The following HSD11B1 variants were observed in gnomAD, a reference collection of about 807,000 sequenced individuals.
HSD11B1 encodes the protein hydroxysteroid 11-beta dehydrogenase 1.
A neutral mutation model predicts 22.1 loss-of-function variants in HSD11B1; 15 were observed. The ratio of observed to expected loss-of-function variants is 0.68; its 90% CI spans 0.45 to 1.04. HSD11B1 has a LOEUF of 1.04. Among genes scored for constraint, HSD11B1 ranks in the 50% least tolerant of loss-of-function variants. The pLI, the probability that HSD11B1 is intolerant of heterozygous loss-of-function variation, is 0.00. For synonymous variants in HSD11B1, 122 were observed against 125.2 expected (o/e 0.97, Z 0.17); for missense variants, 281 against 357.6 (o/e 0.79, Z 1.73).
chr1:209,699,520 AC>A (rs2076813924), intron 1 of HSD11B1, among the ~76,000 whole-genome samples: 1 of 151,910 alleles, frequency 6.6e-6, no homozygotes, highest in Non-Finnish European at 1.5e-5. Flanking sequence ...TCCCCCAGGT[AC>A]CTCCCCCAAC....
intron 1 of HSD11B1, 53 bp from the exon 2 acceptor site, chr1:209,705,758 G>A: frequency 6.2e-7 from 1 of 1,610,276 alleles, no homozygotes; most frequent in Admixed American, 1.7e-5. Flanking sequence ...GAGGGAGAAG[G>A]AATTTTGCTG....
At chr1:209,697,883 C>CTTTTTTTTTTTT (rs1558187212) in intron 1 of HSD11B1, among the ~76,000 whole-genome samples, 11 of 21,912 alleles carry the variant, frequency 5.0e-4, no homozygotes, top group African/African-American at 8.3e-4. Flanking sequence ...TTTGTTTTTT[C>CTTTTTTTTTTTT]CTTTTTTTTT....
chr1:209,713,179 T>C (rs1354762614), intron 4 of HSD11B1, among the ~76,000 whole-genome samples: 1 of 152,200 alleles, frequency 6.6e-6, no homozygotes, highest in Non-Finnish European at 1.5e-5. Context: ...TTGCAAAACA[T>C]TGGAAGTAAC....
chr1:209,728,855 A>C (rs1204199885), intron 4 of HSD11B1, among the ~76,000 whole-genome samples: 1 of 152,220 alleles, frequency 6.6e-6, no homozygotes, highest in African/African-American at 2.4e-5. Flanking sequence ...TTCAAATCTC[A>C]TTGGTCCAAA....
chr1:209,690,143 C>T (rs1175757601), intron 1 of HSD11B1, among the ~76,000 whole-genome samples: 2 of 152,072 alleles, frequency 1.3e-5, no homozygotes, highest in East Asian at 3.9e-4. Context: ...TAGAGAGACC[C>T]CAGTCTCTAC....
intron 4 of HSD11B1, 62 bp downstream of exon 4, chr1:209,707,190 C>A: frequency 1.5e-6 from 2 of 1,355,050 alleles, no homozygotes; most frequent in Non-Finnish European, 2.1e-6. Flanking sequence ...GGGATGATGC[C>A]AGGCTCTGAA....
intron 4 of HSD11B1, among the ~76,000 whole-genome samples, chr1:209,721,520 C>T (rs188567165): frequency 6.8e-5 from 10 of 147,874 alleles, no homozygotes; most frequent in African/African-American, 2.3e-4. Context: ...ACTTGGAGGA[C>T]ATATGAAAGT....
chr1:209,719,168 T>C (rs2076949633), intron 4 of HSD11B1, among the ~76,000 whole-genome samples: 1 of 152,094 alleles, frequency 6.6e-6, no homozygotes, highest in African/African-American at 2.4e-5. Context: ...AGTAGATGAA[T>C]GGATAAGCAA....
intron 4 of HSD11B1, among the ~76,000 whole-genome samples, chr1:209,712,375 T>G (rs2076903265): frequency 6.6e-6 from 1 of 151,968 alleles, no homozygotes; most frequent in South Asian, 2.1e-4. Flanking sequence ...ATTAACAGAG[T>G]TCTAATAAGC....
intron 4 of HSD11B1, among the ~76,000 whole-genome samples, chr1:209,708,554 G>C (rs1322324414): frequency 6.6e-6 from 1 of 152,190 alleles, no homozygotes; most frequent in Non-Finnish European, 1.5e-5. Context: ...GGAAGAAAGG[G>C]AGAGCTTCCA....
At chr1:209,724,509 A>G (rs1314155527) in intron 4 of HSD11B1, among the ~76,000 whole-genome samples, 1 of 152,170 alleles carries the variant, frequency 6.6e-6, no homozygotes, top group Non-Finnish European at 1.5e-5. Context: ...GCCTTTGCCA[A>G]TTACTGTGAT....
chr1:209,722,927 G>C (rs957401068), intron 4 of HSD11B1, among the ~76,000 whole-genome samples: 2 of 152,158 alleles, frequency 1.3e-5, no homozygotes, highest in Non-Finnish European at 2.9e-5. Context: ...GGGTAGAGAG[G>C]GGATGAACGA....
chr1:209,720,586 A>C (rs1387019310), intron 4 of HSD11B1, among the ~76,000 whole-genome samples: 2 of 151,240 alleles, frequency 1.3e-5, no homozygotes, highest in Non-Finnish European at 2.9e-5. Context: ...CAGCTTGTAC[A>C]AAATAACTGG....
chr1:209,700,911 C>A (rs554674158), upstream of HSD11B1, among the ~76,000 whole-genome samples: 2 of 152,336 alleles, frequency 1.3e-5, no homozygotes, highest in Admixed American at 1.3e-4. Context: ...TGCTCCAGTT[C>A]CCAACAAGTT....
At chr1:209,720,499 A>T (rs1158831104) in intron 4 of HSD11B1, among the ~76,000 whole-genome samples, 1 of 151,536 alleles carries the variant, frequency 6.6e-6, no homozygotes, top group Non-Finnish European at 1.5e-5. Flanking sequence ...TATCCACATG[A>T]CATTCTCTTG....
rs1359506762 is a variant in HSD11B1 at position 209,707,120 on chromosome 1, C to T, written c.509C>T (p.Ser170Phe). ...QSNGSIVVVS[S>F]LAGKVAYPMV... ...AATGGAAGCATTGTTGTCGTCTCCT[C>T]TCTGGCTGGTAAGTGGGACAGGGAC... The change falls in exon 4 of 6, where the codon TCT becomes TTT. Residue 170 changes from serine (S) to phenylalanine (F), a missense_variant. Transcript: ENST00000367027. 6.2e-7 allele frequency: 1 copy of T among 1,613,694 alleles called. No homozygotes were observed. The highest frequency in any genetic ancestry group is 2.2e-5 in the East Asian group (1 of 44,860).
At chr1:209,690,137 G>A (rs928971315) in intron 1 of HSD11B1, among the ~76,000 whole-genome samples, 114 of 152,242 alleles carry the variant, frequency 7.5e-4, no homozygotes, top group African/African-American at 2.6e-3. Context: ...GCAACATAGA[G>A]AGACCCCAGT....
upstream of HSD11B1, among the ~76,000 whole-genome samples, chr1:209,702,955 C>G (rs1242381102): frequency 6.6e-6 from 1 of 152,142 alleles, no homozygotes; most frequent in Admixed American, 6.5e-5. Flanking sequence ...AGCATCGTAG[C>G]TATTAGGTCA....
chr1:209,725,396 A>G (rs2076994467), intron 4 of HSD11B1, among the ~76,000 whole-genome samples: 1 of 152,054 alleles, frequency 6.6e-6, no homozygotes, highest in Admixed American at 6.5e-5. Flanking sequence ...CTGGTCCTTC[A>G]TGTACTTCCT....
Sources: gnomAD v4.1 joint callset for allele counts (sites outside exome capture counted in the v4.1 genomes callset) on GRCh38, gnomAD v4.1.1 for gene constraint, MANE v1.5 for transcripts, NCBI Gene and HGNC (gene_info 2026-07-23, HGNC 2026-07-21) for gene names.